Variants in SHROOM3 observed in about 807,000 individuals in gnomAD.
SHROOM3 encodes shroom family member 3.
SHROOM3 carries 47 observed loss-of-function variants against 138.6 expected under a neutral mutation model. That is an observed-to-expected ratio of 0.34 (90% CI 0.27 to 0.43). SHROOM3 has a LOEUF of 0.43. SHROOM3 is among the 20% of genes least tolerant of loss of function. The pLI is 1.00. For synonymous variants in SHROOM3, 1,062 were observed against 1,063.3 expected, an observed-to-expected ratio of 1.00 and a Z score of 0.02; for missense variants, 2,491 against 2,596.5, an observed-to-expected ratio of 0.96 and a Z score of 0.88.
intron 1 of SHROOM3, among the ~76,000 whole-genome samples, chr4:76,487,091 C>G (rs762648504): frequency 8.5e-5 from 13 of 152,174 alleles, no homozygotes; most frequent in Non-Finnish European, 1.2e-4. Flanking sequence ...CAGTCATTCT[C>G]TGTTCCTCTC....
At chr4:76,596,047 CTTTT>C (rs201477858) in intron 2 of SHROOM3, among the ~76,000 whole-genome samples, 5 of 151,876 alleles carry the variant, frequency 3.3e-5, no homozygotes, top group African/African-American at 1.2e-4. Flanking sequence ...AAAGTGAGGT[CTTTT>C]TTTTCACCTT....
intron 9 of SHROOM3, among the ~76,000 whole-genome samples, chr4:76,768,294 G>A (rs1018320950): frequency 6.6e-5 from 10 of 152,092 alleles, no homozygotes; most frequent in East Asian, 3.8e-4. Context: ...CTCCATATGC[G>A]CTGATATCAC....
At chr4:76,636,481 T>C (rs1397760631) in intron 2 of SHROOM3, among the ~76,000 whole-genome samples, 1 of 152,220 alleles carries the variant, frequency 6.6e-6, no homozygotes, top group Non-Finnish European at 1.5e-5. Context: ...TAAAATCACT[T>C]TTCCTAATGT....
intron 2 of SHROOM3, among the ~76,000 whole-genome samples, chr4:76,615,941 T>G (rs768253671): frequency 5.3e-5 from 8 of 152,122 alleles, no homozygotes; most frequent in Non-Finnish European, 8.8e-5. Context: ...ATATTTATCT[T>G]AGAGGAGAGA....
intron 2 of SHROOM3, among the ~76,000 whole-genome samples, chr4:76,640,691 G>T (rs912673997): frequency 6.6e-6 from 1 of 152,182 alleles, no homozygotes; most frequent in Non-Finnish European, 1.5e-5. Flanking sequence ...TGGCATCATT[G>T]CCGTTCTACA....
Position 76,535,686 on chromosome 4 carries a change from C to A in SHROOM3, c.169-19923C>A, listed in dbSNP as rs147883274. Among the ~76,000 whole-genome samples, 1,328 of 152,344 alleles carry A rather than the reference C, an allele frequency of 8.7e-3. 64 individuals are homozygous for A. The highest frequency in any genetic ancestry group is 0.078 in the Admixed American group (1,195 of 15,308). On this transcript the variant is annotated intron_variant, in intron 1 of 10. Coordinates refer to ENST00000296043, the MANE Select transcript of SHROOM3 (RefSeq NM_020859.4). ...GCCTGCAATAGAAATCAGCCCCTCA[C>A]TTATGGTTCACGGTCACTTGATGAA...
At chr4:76,498,869 A>C (rs1240211758) in intron 1 of SHROOM3, among the ~76,000 whole-genome samples, 1 of 152,174 alleles carries the variant, frequency 6.6e-6, no homozygotes, top group Non-Finnish European at 1.5e-5. Context: ...AAATTAAAGA[A>C]GGGGAAATTG....
intron 2 of SHROOM3, chr4:76,586,489 A>G: frequency 1.0e-6 from 1 of 982,014 alleles, no homozygotes; most frequent in Non-Finnish European, 1.2e-6. Flanking sequence ...TTTTAAACCA[A>G]CGATTTCTCG....
chr4:76,686,715 C>T (rs1185641874), intron 2 of SHROOM3, among the ~76,000 whole-genome samples: 3 of 152,024 alleles, frequency 2.0e-5, no homozygotes, highest in African/African-American at 7.2e-5. Context: ...TAAGCATACT[C>T]TAATTTGATG....
intron 1 of SHROOM3, among the ~76,000 whole-genome samples, chr4:76,510,877 T>C (rs966218409): frequency 1.3e-5 from 2 of 152,160 alleles, no homozygotes; most frequent in African/African-American, 4.8e-5. Context: ...AGATCTCTTC[T>C]GGCTCTAAAA....
At chr4:76,687,829 A>G (rs1719384960) in intron 2 of SHROOM3, among the ~76,000 whole-genome samples, 1 of 152,200 alleles carries the variant, frequency 6.6e-6, no homozygotes, top group African/African-American at 2.4e-5. Context: ...GTGATGTTTC[A>G]CACAGAAGTA....
At position 76,739,426 on chromosome 4, in the gene SHROOM3, A is replaced by G; in HGVS notation, c.1253A>G (p.Asn418Ser). 1 of 1,614,040 alleles carries G rather than the reference A, an allele frequency of 6.2e-7. No individual in the cohort carries two copies. Among genetic ancestry groups the G allele is most frequent in the South Asian group, 1.1e-5 (1 of 91,084 alleles). Residue 418 changes from asparagine to serine, a missense_variant, in exon 5 of 11, where the codon AAC becomes AGC. Transcript: ENST00000296043. Reference sequence around the variant, plus strand: ...AAACGGCTCTGCCGGCCTCAGGCAAACTCTTTAGGCTCCCTGAAGTCTCCA... The same window carrying G: ...AAACGGCTCTGCCGGCCTCAGGCAAGCTCTTTAGGCTCCCTGAAGTCTCCA... ...DQKRLCRPQA[N>S]SLGSLKSPFI...
chr4:76,625,525 G>A (rs1014052130), intron 2 of SHROOM3, among the ~76,000 whole-genome samples: 4 of 141,074 alleles, frequency 2.8e-5, no homozygotes, highest in African/African-American at 7.9e-5. Context: ...GTCTTTTCTT[G>A]CATTACCTAA....
At chr4:76,772,468 C>T (rs994036328) in intron 10 of SHROOM3, among the ~76,000 whole-genome samples, 1 of 152,130 alleles carries the variant, frequency 6.6e-6, no homozygotes, top group African/African-American at 2.4e-5. Flanking sequence ...TAATACATTG[C>T]ATTAAAAGGA....
At chr4:76,690,925 T>TA (rs894866105) in intron 2 of SHROOM3, among the ~76,000 whole-genome samples, 16 of 152,124 alleles carry the variant, frequency 1.1e-4, no homozygotes, top group African/African-American at 3.9e-4. Flanking sequence ...TAAACTTACT[T>TA]AAAAAAATGT....
At chr4:76,601,041 G>A (rs932642051) in intron 2 of SHROOM3, among the ~76,000 whole-genome samples, 2 of 152,218 alleles carry the variant, frequency 1.3e-5, no homozygotes, top group Admixed American at 6.5e-5. Context: ...TTACTTTAAC[G>A]GCAAAAGCCA....
At chr4:76,471,778 G>A (rs750624812) in intron 1 of SHROOM3, among the ~76,000 whole-genome samples, 10 of 152,192 alleles carry the variant, frequency 6.6e-5, no homozygotes, top group Non-Finnish European at 1.3e-4. Flanking sequence ...CTGAACATCT[G>A]AAGAAACATC....
intron 1 of SHROOM3, 116 bp downstream of exon 1, chr4:76,436,336 T>C (rs1730563119): frequency 9.6e-7 from 1 of 1,045,450 alleles, no homozygotes; most frequent in Non-Finnish European, 1.4e-6. Context: ...TGCTGTTTCA[T>C]GCCTTTCTGA....
intron 2 of SHROOM3, among the ~76,000 whole-genome samples, chr4:76,673,910 T>A (rs946560279): frequency 2.0e-5 from 3 of 152,236 alleles, no homozygotes; most frequent in African/African-American, 7.2e-5. Context: ...TTTCACTTTG[T>A]TGCCTAAGCT....
Sources: allele counts gnomAD v4.1 joint callset (sites outside exome capture counted in the v4.1 genomes callset), GRCh38; gene constraint gnomAD v4.1.1; transcripts MANE v1.5; gene names NCBI Gene and HGNC (gene_info 2026-07-23, HGNC 2026-07-21).